PDE3A: variants seen among roughly 807,000 people sequenced by gnomAD.
PDE3A encodes the protein phosphodiesterase 3A.
Under a neutral mutation model 98.3 loss-of-function variants are expected in PDE3A, and 43 were observed. The observed-to-expected ratio is 0.44, with a 90% CI of 0.34 to 0.56. PDE3A has a LOEUF of 0.56. Ranked by LOEUF, PDE3A falls within the 20% of genes least tolerant of loss-of-function variation. PDE3A has a pLI of 0.01. For synonymous variants in PDE3A, 663 were observed against 567.9 expected (o/e 1.17, Z -2.38); for missense variants, 1,427 against 1,440.7 (o/e 0.99, Z 0.15).
intron 1 of PDE3A, among the ~76,000 whole-genome samples, chr12:20,442,818 A>C (rs1944891644): frequency 6.6e-6 from 1 of 152,200 alleles, no homozygotes; most frequent in African/African-American, 2.4e-5. Flanking sequence ...CTTAAACTTA[A>C]CACAATAAAT....
chr12:20,382,289 A>G (rs1448806410), intron 1 of PDE3A, among the ~76,000 whole-genome samples: 2 of 151,922 alleles, frequency 1.3e-5, no homozygotes, highest in East Asian at 3.9e-4. Flanking sequence ...GAAACTGTAC[A>G]GGAAGTTCTG....
rs1944508575 is a variant in PDE3A at position 20,421,372 on chromosome 12, T to C, written c.960+51128T>C. ...ACAATCAAATAAATTAATGTTTTTA[T>C]ACATGTCTTTATCGGACTTAAATCT... is the stretch of plus-strand genomic sequence containing the variant. On this transcript the variant is annotated intron_variant, in intron 1 of 15. Transcript: ENST00000359062. Among the ~76,000 whole-genome samples, 4 of 152,232 alleles carry C rather than the reference T, an allele frequency of 2.6e-5. No homozygotes were observed. The South Asian group carries it at 8.3e-4, about 31-fold the overall frequency.
In PDE3A at chr12:20,463,547, T is replaced by C. The variant is rs556135164; in HGVS notation, c.961-93113T>C. On this transcript the variant is annotated intron_variant, in intron 1 of 15. Transcript: ENST00000359062. The stretch of plus-strand genomic sequence containing the variant: ...CTAGATGAAGAATCATCTAAGCCTA[T>C]GGTAAATATATCAAAAGGTATTATT... 2.9e-4 allele frequency among the ~76,000 whole-genome samples: 44 copies of C among 152,262 alleles called. 1 individual carries two copies. The South Asian group carries it at 6.8e-3, about 24-fold the overall frequency.
intron 15 of PDE3A, among the ~76,000 whole-genome samples, chr12:20,672,380 G>T (rs528389037): frequency 5.7e-5 from 5 of 87,670 alleles, no homozygotes; most frequent in South Asian, 4.5e-4. Flanking sequence ...AAAAGAGCCC[G>T]CATCGCCAAG....
rs1592195355 is a variant in PDE3A, at chr12:20,688,490, A to G, written c.*8219A>G. Among the ~76,000 whole-genome samples, 1 of 151,566 alleles carries G rather than the reference A, an allele frequency of 6.6e-6. No homozygotes were observed. Among genetic ancestry groups the G allele is most frequent in the Non-Finnish European group, 1.5e-5 (1 of 67,880 alleles). On this transcript the variant is annotated 3_prime_UTR_variant, in exon 16 of 16. Coordinates refer to ENST00000359062, the MANE Select transcript of PDE3A (RefSeq NM_000921.5). ...ATATAATATATAAATATTACAGTAAATATATACTCAAAATTATTAAAATTA... is the reference window on the plus strand; with the variant it reads ...ATATAATATATAAATATTACAGTAAGTATATACTCAAAATTATTAAAATTA...
chr12:20,504,007 A>T (rs1164055395), intron 1 of PDE3A, among the ~76,000 whole-genome samples: 1 of 152,140 alleles, frequency 6.6e-6, no homozygotes, highest in Non-Finnish European at 1.5e-5. Flanking sequence ...GATTGTTCAT[A>T]TCAGAATCTA....
At chr12:20,621,708 T>C (rs117384395) in intron 5 of PDE3A, among the ~76,000 whole-genome samples, 2,253 of 152,234 alleles carry the variant, frequency 0.015, 83 homozygotes, top group Admixed American at 0.09. Flanking sequence ...GGTAGCATCA[T>C]CTCATAATAG....
chr12:20,584,174 A>T (rs1294436005), intron 2 of PDE3A, among the ~76,000 whole-genome samples: 1 of 152,242 alleles, frequency 6.6e-6, no homozygotes, highest in African/African-American at 2.4e-5. Flanking sequence ...GCAGGTCCAG[A>T]AATTCATTTT....
At chr12:20,488,248 G>A (rs964992739) in intron 1 of PDE3A, among the ~76,000 whole-genome samples, 21 of 151,868 alleles carry the variant, frequency 1.4e-4, no homozygotes, top group African/African-American at 5.1e-4. Context: ...TCCAAAATTA[G>A]TCCTATCCTG....
intron 1 of PDE3A, among the ~76,000 whole-genome samples, chr12:20,555,538 C>T (rs1247522122): frequency 3.3e-5 from 5 of 152,272 alleles, no homozygotes; most frequent in South Asian, 2.1e-4. Context: ...TGCGTTGTAT[C>T]GCTACACTTA....
At chr12:20,470,230 G>T (rs939640746) in intron 1 of PDE3A, among the ~76,000 whole-genome samples, 2 of 152,102 alleles carry the variant, frequency 1.3e-5, no homozygotes, top group African/African-American at 4.8e-5. Context: ...AGAAATAATT[G>T]TGTTGATGGA....
chr12:20,478,616 T>C (rs1945569701), intron 1 of PDE3A, among the ~76,000 whole-genome samples: 1 of 152,190 alleles, frequency 6.6e-6, no homozygotes, highest in Non-Finnish European at 1.5e-5. Context: ...GTAAACGTAA[T>C]GGTGTAAATG....
At chr12:20,395,471 A>G (rs1943993188) in intron 1 of PDE3A, among the ~76,000 whole-genome samples, 1 of 134,850 alleles carries the variant, frequency 7.4e-6, no homozygotes, top group African/African-American at 2.9e-5. Flanking sequence ...ATATATGTAT[A>G]CTATGTATAC....
intron 1 of PDE3A, among the ~76,000 whole-genome samples, chr12:20,553,981 G>GTT (rs376885475): frequency 6.9e-6 from 1 of 145,418 alleles, no homozygotes; most frequent in African/African-American, 2.5e-5. Context: ...TTACAAGAGG[G>GTT]TTTTTTTTTT....
chr12:20,650,400 G>A (rs564873379), intron 13 of PDE3A, 45 bp from the exon 14 acceptor site: 1 of 1,363,126 alleles, frequency 7.3e-7, no homozygotes, highest in African/African-American at 1.4e-5. Flanking sequence ...TTCAACTTTT[G>A]TTTTTATCAA....
intron 1 of PDE3A, among the ~76,000 whole-genome samples, chr12:20,543,766 TAA>T (rs2121227930): frequency 6.6e-6 from 1 of 152,070 alleles, no homozygotes; most frequent in Non-Finnish European, 1.5e-5. Context: ...CAACAATGCC[TAA>T]GTTTGATTAT....
At chr12:20,455,255 G>A (rs7488017) in intron 1 of PDE3A, among the ~76,000 whole-genome samples, 22,820 of 152,104 alleles carry the variant, frequency 0.15, 2,131 homozygotes, top group Non-Finnish European at 0.2. Flanking sequence ...CCACGTGTAC[G>A]TCTTCTTTTG....
chr12:20,403,511 G>A (rs560135338), intron 1 of PDE3A, among the ~76,000 whole-genome samples: 2 of 152,226 alleles, frequency 1.3e-5, no homozygotes, highest in African/African-American at 4.8e-5. Context: ...CAGCTCTTAG[G>A]ATTTGTGAGC....
intron 1 of PDE3A, among the ~76,000 whole-genome samples, chr12:20,531,155 C>A (rs111623446): frequency 2.6e-5 from 4 of 152,098 alleles, no homozygotes; most frequent in African/African-American, 9.7e-5. Flanking sequence ...TATTCTGAGA[C>A]GAAATTGTTC....
Sources: gnomAD v4.1 joint callset for allele counts (sites outside exome capture counted in the v4.1 genomes callset) on GRCh38, gnomAD v4.1.1 for gene constraint, MANE v1.5 for transcripts, NCBI Gene and HGNC (gene_info 2026-07-23, HGNC 2026-07-21) for gene names.